The following HIPK3 variants were observed in gnomAD, a reference collection of about 807,000 sequenced individuals.
HIPK3 encodes homeodomain-interacting protein kinase 3.
HIPK3 carries 47 observed loss-of-function variants against 124.2 expected under a neutral mutation model. That is an observed-to-expected ratio of 0.38 (90% CI 0.30 to 0.48). HIPK3 has a LOEUF of 0.48. HIPK3 is among the 20% of genes least tolerant of loss of function. HIPK3 has a pLI of 0.98. For synonymous variants in HIPK3, 482 were observed against 515.2 expected, an observed-to-expected ratio of 0.94 and a Z score of 0.87; for missense variants, 1,286 against 1,454.3, an observed-to-expected ratio of 0.88 and a Z score of 1.88.
At chr11:33,328,997 T>C (rs1402889986) in intron 3 of HIPK3, among the ~76,000 whole-genome samples, 2 of 152,192 alleles carry the variant, frequency 1.3e-5, no homozygotes, top group African/African-American at 4.8e-5. Flanking sequence ...TAAAAGGCGT[T>C]ATAACTTTTG....
intron 1 of HIPK3, among the ~76,000 whole-genome samples, chr11:33,266,080 A>G (rs990083968): frequency 2.7e-5 from 4 of 150,600 alleles, no homozygotes; most frequent in Non-Finnish European, 5.9e-5. Flanking sequence ...AAAAAAAGAA[A>G]ACAAACCTAT....
In HIPK3 at chr11:33,356,625, C is replaced by T. The variant is rs1404468165; in HGVS notation, c.*3057C>T. ...TGTGTTAAGTAAAAGTTAAATCATACACTGCAAGGTGTAGGAAGATTTGTT... is the reference window on the plus strand; with the variant it reads ...TGTGTTAAGTAAAAGTTAAATCATATACTGCAAGGTGTAGGAAGATTTGTT... On this transcript the variant is annotated 3_prime_UTR_variant, in exon 17 of 17. Coordinates refer to ENST00000303296, the MANE Select transcript of HIPK3 (RefSeq NM_005734.5). The T allele has an allele frequency of 6.6e-6, 1 of 151,956 alleles. No homozygotes were observed. The highest frequency in any genetic ancestry group is 2.4e-5 in the African/African-American group (1 of 41,404). The allele number at this position is 151,956 out of a possible 1,614,324, so 9.4% of individuals were successfully genotyped here. A position where few individuals can be genotyped will look rare whatever the true frequency, so the allele number is the denominator to read the frequency against.
intron 1 of HIPK3, among the ~76,000 whole-genome samples, chr11:33,266,231 A>G (rs1246485364): frequency 6.6e-6 from 1 of 151,862 alleles, no homozygotes; most frequent in Admixed American, 6.6e-5. Context: ...TTATATTTGT[A>G]TATGTGCACC....
chr11:33,288,174 C>T (rs547757806), intron 2 of HIPK3, among the ~76,000 whole-genome samples: 21 of 152,212 alleles, frequency 1.4e-4, no homozygotes, highest in African/African-American at 4.1e-4. Flanking sequence ...GATATACAGC[C>T]GGGTGCAGTG....
At position 33,354,217 on chromosome 11, in the gene HIPK3, A is replaced by T. The variant is rs1421650768; in HGVS notation, c.*649A>T. 3 of 152,648 alleles carry T rather than the reference A, an allele frequency of 2.0e-5. No homozygotes were observed. Among genetic ancestry groups the T allele is most frequent in the African/African-American group, 7.2e-5 (3 of 41,450 alleles). The allele number at this position is 152,648 out of a possible 1,614,324, so 9.5% of individuals were successfully genotyped here. A position where few individuals can be genotyped will look rare whatever the true frequency, so the allele number is the denominator to read the frequency against. ...ACCTACTATTTAGTTTCCTTTTGAT[A>T]GCGTAATGTTCATTTTTGTTTTTGT... On this transcript the variant is annotated 3_prime_UTR_variant, in exon 17 of 17. Transcript: ENST00000303296.
intron 3 of HIPK3, among the ~76,000 whole-genome samples, chr11:33,332,537 T>C (rs185883043): frequency 1.0e-3 from 153 of 152,344 alleles, no homozygotes; most frequent in Non-Finnish European, 1.0e-3. Context: ...ATGTTCATTA[T>C]TTCTCCAAAA....
At chr11:33,283,114 CTTTT>C (rs776190216) in intron 1 of HIPK3, among the ~76,000 whole-genome samples, 2 of 143,082 alleles carry the variant, frequency 1.4e-5, no homozygotes, top group Admixed American at 7.0e-5. Context: ...TCCAGAATTT[CTTTT>C]TTTTTTTTTT....
chr11:33,305,009 T>C (rs1235749247), intron 2 of HIPK3, among the ~76,000 whole-genome samples: 1 of 152,222 alleles, frequency 6.6e-6, no homozygotes, highest in East Asian at 1.9e-4. Flanking sequence ...TTTTTTTATT[T>C]TTGTTTTTTG....
chr11:33,258,147 C>G (rs889059454), intron 1 of HIPK3, among the ~76,000 whole-genome samples: 7 of 152,072 alleles, frequency 4.6e-5, no homozygotes, highest in African/African-American at 1.4e-4. Context: ...CCTGGGCCGC[C>G]GGACGCGGGG....
intron 8 of HIPK3, among the ~76,000 whole-genome samples, chr11:33,344,488 T>G (rs1336563324): frequency 6.6e-6 from 1 of 152,190 alleles, no homozygotes. Flanking sequence ...TTGAGCATAA[T>G]TCTTAAAACA....
At position 33,258,351 on chromosome 11, in the gene HIPK3, A is replaced by C. The variant is rs568394464; in HGVS notation, c.-3+462A>C. 1.9e-3 allele frequency: 1,920 copies of C among 985,558 alleles called. 5 individuals are homozygous for C. Among genetic ancestry groups the C allele is most frequent in the Non-Finnish European group, 2.2e-3 (1,785 of 830,054 alleles). 61.1% of individuals were successfully genotyped at this position (985,558 alleles called of 1,614,324 possible). On this transcript the variant is annotated intron_variant, in intron 1 of 16. Transcript: ENST00000303296. The stretch of plus-strand genomic sequence containing the variant: ...TTCCTTTCATTAAGGGGAACAAACA[A>C]ACGCGCAGGCACGCAGCTTGAGCAC...
At chr11:33,315,038 G>A (rs1852456501) in intron 2 of HIPK3, among the ~76,000 whole-genome samples, 1 of 152,164 alleles carries the variant, frequency 6.6e-6, no homozygotes, top group Admixed American at 6.5e-5. Flanking sequence ...AATATAGTGT[G>A]TATATATGAG....
chr11:33,268,837 A>G (rs1023727834), intron 1 of HIPK3, among the ~76,000 whole-genome samples: 1 of 152,086 alleles, frequency 6.6e-6, no homozygotes, highest in African/African-American at 2.4e-5. Context: ...CTGAAGGTCT[A>G]TCTAGCTTGA....
In HIPK3 at chr11:33,281,058, C is replaced by CTTTTTTTT. The variant is rs56902582; in HGVS notation, c.-2-5333_-2-5326dup. ...TTTATGTGTATATTTACTTATTTGA[C>CTTTTTTTT]TTTTTTTTTTTTTTTTTTTTTTTTT... On this transcript the variant is annotated intron_variant, in intron 1 of 16. Transcript: ENST00000303296. Among the ~76,000 whole-genome samples the CTTTTTTTT allele has an allele frequency of 1.2e-4, 13 of 111,802 alleles. 2 individuals are homozygous for CTTTTTTTT. The highest frequency in any genetic ancestry group is 6.1e-4 in the South Asian group (2 of 3,256). 73.3% of individuals were successfully genotyped at this position (111,802 alleles called of 152,430 possible).
At chr11:33,298,079 C>T (rs554506797) in intron 2 of HIPK3, among the ~76,000 whole-genome samples, 21 of 152,128 alleles carry the variant, frequency 1.4e-4, no homozygotes, top group Non-Finnish European at 1.8e-4. Flanking sequence ...TGTGAGCCAC[C>T]GCACCCAGCC....
chr11:33,305,412 T>C (rs567540923), intron 2 of HIPK3, among the ~76,000 whole-genome samples: 82 of 152,314 alleles, frequency 5.4e-4, no homozygotes, highest in Non-Finnish European at 9.4e-4. Context: ...GGAATAAGAA[T>C]CTAAAAGTAA....
intron 2 of HIPK3, among the ~76,000 whole-genome samples, chr11:33,324,922 G>A (rs1323848367): frequency 6.6e-6 from 1 of 152,186 alleles, no homozygotes; most frequent in Non-Finnish European, 1.5e-5. Flanking sequence ...AATTTCTGGT[G>A]TATCTAATTT....
chr11:33,341,721 G>T (rs1328980568), intron 8 of HIPK3, 35 bp downstream of exon 8: 1 of 1,548,930 alleles, frequency 6.5e-7, no homozygotes, highest in Non-Finnish European at 8.8e-7. Context: ...TTGAATCTAG[G>T]CATGCTTTAT....
chr11:33,340,199 T>C (rs1328737052), intron 6 of HIPK3, among the ~76,000 whole-genome samples: 1 of 152,156 alleles, frequency 6.6e-6, no homozygotes, highest in Non-Finnish European at 1.5e-5. Context: ...TCCCACCACC[T>C]CAGCCTCCTG....
Sources: allele counts gnomAD v4.1 joint callset (sites outside exome capture counted in the v4.1 genomes callset), GRCh38; gene constraint gnomAD v4.1.1; transcripts MANE v1.5; gene names NCBI Gene and HGNC (gene_info 2026-07-23, HGNC 2026-07-21).